Variants in GNA12 observed in about 807,000 individuals in gnomAD.
GNA12 encodes G protein subunit alpha 12.
In GNA12, 9 loss-of-function variants were observed where a neutral mutation model predicts 26.0. The observed-to-expected ratio is 0.35, with a 90% CI of 0.21 to 0.60. GNA12 has a LOEUF of 0.60. Among genes scored for constraint, GNA12 ranks in the 20% least tolerant of loss-of-function variants. The pLI is 0.78. For missense variants in GNA12, 405 were observed against 525.8 expected (o/e 0.77, Z 2.25); for synonymous variants, 264 against 219.6 (o/e 1.20, Z -1.79).
At chr7:2,736,260 G>A (rs7777770) in intron 2 of GNA12, among the ~76,000 whole-genome samples, 23 of 152,278 alleles carry the variant, frequency 1.5e-4, no homozygotes, top group African/African-American at 5.5e-4. Context: ...TCCTCTCAAC[G>A]GCTGCTGCGG....
intron 1 of GNA12, among the ~76,000 whole-genome samples, chr7:2,822,194 C>T (rs1353666850): frequency 6.6e-6 from 1 of 152,254 alleles, no homozygotes; most frequent in Non-Finnish European, 1.5e-5. Context: ...CTGTGGGAAG[C>T]TATGCCTCCT....
intron 3 of GNA12, among the ~76,000 whole-genome samples, chr7:2,732,703 C>T (rs1194094487): frequency 6.6e-6 from 1 of 152,088 alleles, no homozygotes; most frequent in African/African-American, 2.4e-5. Flanking sequence ...GTGCAGGGGA[C>T]AGAGAAACAT....
At position 2,763,191 on chromosome 7, in the gene GNA12, AACACACACACACACACACACAC is replaced by A. The variant is rs56384682; in HGVS notation, c.526-29712_526-29691del. 3.6e-5 allele frequency: 8 copies of A among 222,642 alleles called. 1 individual carries two copies. Among genetic ancestry groups the A allele is most frequent in the South Asian group, 3.6e-4 (2 of 5,586 alleles). 13.8% of individuals were successfully genotyped at this position (222,642 alleles called of 1,614,324 possible). The stretch of plus-strand genomic sequence containing the variant: ...TTAGCAGGACTTCACAAGACACCCC[AACACACACACACACACACACAC>A]ACACACACACACACACACGGTCTCA... On this transcript the variant is annotated intron_variant, in intron 2 of 3. Transcript: ENST00000275364.
At chr7:2,755,052 T>C (rs1260150027) in intron 2 of GNA12, among the ~76,000 whole-genome samples, 5 of 152,192 alleles carry the variant, frequency 3.3e-5, no homozygotes, top group African/African-American at 4.8e-5. Flanking sequence ...CTTCACTGAG[T>C]TGCTTCTGCC....
At chr7:2,802,300 G>T (rs1792829995) in intron 1 of GNA12, among the ~76,000 whole-genome samples, 1 of 148,146 alleles carries the variant, frequency 6.8e-6, no homozygotes, top group South Asian at 2.1e-4. Context: ...AAACTGTTCA[G>T]ACAGCATATT....
At position 2,731,244 on chromosome 7, in the gene GNA12, G is replaced by A. The variant is rs1363722165; in HGVS notation, c.1083C>T (p.Phe361=). 12 of 1,613,682 alleles carry A rather than the reference G, an allele frequency of 7.4e-6. No individual in the cohort carries two copies. The highest frequency in any genetic ancestry group is 2.7e-5 in the African/African-American group (2 of 74,844). ...TGGTGTCTTTCACAGCATGGAACACGAAGCGGACGTTCTCGGTGTCGATGG... is the reference window on the plus strand; with the variant it reads ...TGGTGTCTTTCACAGCATGGAACACAAAGCGGACGTTCTCGGTGTCGATGG... ...TTAIDTENVR[F]VFHAVKDTIL... Residue 361 remains phenylalanine, a synonymous_variant, in exon 4 of 4, where the codon TTC becomes TTT. Transcript: ENST00000275364. This position sits in a 1 kb window ranked among gnomAD's most constrained non-coding sequence, Gnocchi z 6.0.
chr7:2,772,948 A>C (rs208341), intron 2 of GNA12, among the ~76,000 whole-genome samples: 1,655 of 152,352 alleles, frequency 0.011, 33 homozygotes, highest in African/African-American at 0.037. Flanking sequence ...GAAGGCTATA[A>C]AGAAAAAAGA....
intron 2 of GNA12, among the ~76,000 whole-genome samples, chr7:2,744,194 G>A (rs1284054200): frequency 6.6e-6 from 1 of 152,218 alleles, no homozygotes. Context: ...GCACGCAGCT[G>A]GAGATCTGAG....
At chr7:2,804,078 C>A (rs546070960) in intron 1 of GNA12, among the ~76,000 whole-genome samples, 3 of 152,158 alleles carry the variant, frequency 2.0e-5, no homozygotes, top group Admixed American at 2.0e-4. Flanking sequence ...CAAGGGGGAA[C>A]GAAATCGTCC....
intron 1 of GNA12, among the ~76,000 whole-genome samples, chr7:2,829,502 T>C (rs377675435): frequency 9.8e-5 from 15 of 152,340 alleles, no homozygotes; most frequent in African/African-American, 3.6e-4. Context: ...CTATGAGATC[T>C]ATGACGATGC....
intron 1 of GNA12, among the ~76,000 whole-genome samples, chr7:2,821,469 C>T (rs1793368714): frequency 6.6e-6 from 1 of 152,166 alleles, no homozygotes; most frequent in African/African-American, 2.4e-5. Flanking sequence ...AGAATGAATA[C>T]AGAACTGCTT....
chr7:2,739,370 A>G (rs1477479773), intron 2 of GNA12, among the ~76,000 whole-genome samples: 2 of 152,158 alleles, frequency 1.3e-5, no homozygotes, highest in African/African-American at 2.4e-5. Context: ...ATTGGAGCGC[A>G]TTCACACAGC....
At chr7:2,817,326 G>A (rs964742730) in intron 1 of GNA12, among the ~76,000 whole-genome samples, 1 of 152,104 alleles carries the variant, frequency 6.6e-6, no homozygotes, top group African/African-American at 2.4e-5. Context: ...GGCTGGTCTC[G>A]AACTCCTGAC....
At chr7:2,773,596 A>G (rs1366293602) in intron 2 of GNA12, among the ~76,000 whole-genome samples, 1 of 152,158 alleles carries the variant, frequency 6.6e-6, no homozygotes, top group Non-Finnish European at 1.5e-5. Context: ...AGAATGAGAT[A>G]CCTCTACACG....
chr7:2,754,003 G>T lies in GNA12; in HGVS notation c.526-20502C>A, dbSNP rs118087770. Among the ~76,000 whole-genome samples, 801 of 152,276 alleles carry T rather than the reference G, an allele frequency of 5.3e-3. 4 individuals are homozygous for T. The highest frequency in any genetic ancestry group is 7.9e-3 in the Non-Finnish European group (540 of 68,014). Reference sequence around the variant, plus strand: ...CACTTGGATATGCTCAGTGACCAGAGAATCTACATCTAAACCCTTAAGTTC... The same window carrying T: ...CACTTGGATATGCTCAGTGACCAGATAATCTACATCTAAACCCTTAAGTTC... On this transcript the variant is annotated intron_variant, in intron 2 of 3. Transcript: ENST00000275364.
At chr7:2,801,801 C>G (rs1344857955) in intron 1 of GNA12, among the ~76,000 whole-genome samples, 2 of 152,104 alleles carry the variant, frequency 1.3e-5, no homozygotes, top group Non-Finnish European at 2.9e-5. Context: ...CATCTGAGTT[C>G]CAGCGAAGTT....
intron 1 of GNA12, among the ~76,000 whole-genome samples, chr7:2,843,554 G>A (rs1166516412): frequency 6.6e-6 from 1 of 152,114 alleles, no homozygotes; most frequent in Non-Finnish European, 1.5e-5. Flanking sequence ...GGCTAAGGAG[G>A]GAGTAGGGCT....
At chr7:2,797,359 G>A (rs1043680398) in intron 1 of GNA12, among the ~76,000 whole-genome samples, 5 of 151,968 alleles carry the variant, frequency 3.3e-5, no homozygotes, top group African/African-American at 1.2e-4. Flanking sequence ...GCCCAGGCTA[G>A]TCTCAAACTC....
intron 1 of GNA12, among the ~76,000 whole-genome samples, chr7:2,809,219 G>A (rs890601932): frequency 2.0e-5 from 3 of 151,954 alleles, no homozygotes; most frequent in Non-Finnish European, 4.4e-5. Context: ...GTTCACACCC[G>A]TGTCCCCAGG....
Sources: gnomAD v4.1 joint callset for allele counts (sites outside exome capture counted in the v4.1 genomes callset) on GRCh38, gnomAD v4.1.1 for gene constraint, Gnocchi (gnomAD v3.1) non-coding constraint, MANE v1.5 for transcripts, NCBI Gene and HGNC (gene_info 2026-07-23, HGNC 2026-07-21) for gene names.